The following DCDC1 variants were observed in gnomAD, a reference collection of about 807,000 sequenced individuals.
DCDC1 encodes the protein doublecortin domain containing 1.
Under a neutral mutation model 178.3 loss-of-function variants are expected in DCDC1, and 200 were observed. The observed-to-expected ratio is 1.12, with a 90% CI of 1.00 to 1.26. The LOEUF (loss-of-function observed/expected upper bound fraction) is 1.26, where lower values mean the gene tolerates loss of function less well. Among genes scored for constraint, DCDC1 ranks in the 50% most tolerant of loss-of-function variants. DCDC1 has a pLI of 0.00. For missense variants in DCDC1, 1,983 were observed against 1,749.2 expected (o/e 1.13, Z -2.38); for synonymous variants, 690 against 604.8 (o/e 1.14, Z -2.07).
intron 10 of DCDC1, among the ~76,000 whole-genome samples, chr11:31,135,952 C>T (rs754904455): frequency 6.6e-6 from 1 of 151,960 alleles, no homozygotes; most frequent in African/African-American, 2.4e-5. Context: ...AGTTTTTAGT[C>T]ATTGAAATTT....
intron 18 of DCDC1, among the ~76,000 whole-genome samples, chr11:31,070,312 T>A (rs990484922): frequency 1.4e-4 from 21 of 152,264 alleles, no homozygotes; most frequent in South Asian, 6.2e-4. Context: ...ATCTTTCAAC[T>A]TTTTCTCCTT....
At chr11:30,907,978 CTTCT>C (rs939442822) in intron 29 of DCDC1, among the ~76,000 whole-genome samples, 4 of 152,014 alleles carry the variant, frequency 2.6e-5, no homozygotes, top group Admixed American at 2.6e-4. Flanking sequence ...AAAGTTCTTC[CTTCT>C]ATTAAAAGTT....
intron 3 of DCDC1, among the ~76,000 whole-genome samples, chr11:31,308,420 G>A (rs1375990176): frequency 6.6e-6 from 1 of 152,206 alleles, no homozygotes; most frequent in Non-Finnish European, 1.5e-5. Flanking sequence ...GAAACTGAGT[G>A]TGTATTAGCC....
chr11:31,116,875 T>C (rs376121337), intron 11 of DCDC1, among the ~76,000 whole-genome samples: 1 of 151,186 alleles, frequency 6.6e-6, no homozygotes, highest in Non-Finnish European at 1.5e-5. Flanking sequence ...CAACAATCAA[T>C]TTTTTTTTAA....
At chr11:31,190,161 CAGCT>C (rs1969979755) in intron 9 of DCDC1, among the ~76,000 whole-genome samples, 1 of 152,132 alleles carries the variant, frequency 6.6e-6, no homozygotes, top group Non-Finnish European at 1.5e-5. Context: ...CCTCACGAGT[CAGCT>C]AGGAATATAA....
chr11:30,952,488 A>G lies in DCDC1; in HGVS notation c.2672T>C (p.Leu891Pro), dbSNP rs1565116985. 6.3e-7 allele frequency: 1 copy of G among 1,586,840 alleles called. No homozygotes were observed. The highest frequency in any genetic ancestry group is 8.5e-7 in the Non-Finnish European group (1 of 1,171,104). ...GGGAAGGACAGGCCACATGTAGGTAAGCTTGTTCCATAGAGGATTTTCAAC... is the reference window on the plus strand; with the variant it reads ...GGGAAGGACAGGCCACATGTAGGTAGGCTTGTTCCATAGAGGATTTTCAAC... ...SRVENPLWNK[L>P]TYMWPVLPSG... The change falls in exon 21 of 39, where the codon CTT becomes CCT. Residue 891 changes from leucine to proline, a missense_variant. Transcript: ENST00000684477.
At chr11:31,123,104 G>A (rs1336659494) in intron 11 of DCDC1, among the ~76,000 whole-genome samples, 1 of 151,868 alleles carries the variant, frequency 6.6e-6, no homozygotes, top group African/African-American at 2.4e-5. Flanking sequence ...TTGGCCCACA[G>A]TGTGTGGTAT....
chr11:31,134,194 T>C (rs1163951287), intron 10 of DCDC1, among the ~76,000 whole-genome samples: 1 of 152,216 alleles, frequency 6.6e-6, no homozygotes, highest in Non-Finnish European at 1.5e-5. Context: ...ACTGTCTTCA[T>C]AACTCTTCTG....
chr11:31,180,837 G>A (rs1303535872), intron 9 of DCDC1, among the ~76,000 whole-genome samples: 1 of 151,776 alleles, frequency 6.6e-6, no homozygotes, highest in Non-Finnish European at 1.5e-5. Flanking sequence ...TCATACCCCA[G>A]TGGCAATTGG....
chr11:31,246,796 C>T (rs1348084575), intron 8 of DCDC1, among the ~76,000 whole-genome samples: 1 of 152,042 alleles, frequency 6.6e-6, no homozygotes, highest in African/African-American at 2.4e-5. Flanking sequence ...CTAACAGCTG[C>T]TGTGTACTTT....
chr11:31,127,323 A>G, intron 11 of DCDC1, 146 bp downstream of exon 11: 1 of 483,736 alleles, frequency 2.1e-6, no homozygotes. Context: ...CCTGAATAAT[A>G]ATATCACCAC....
rs751047113 is a variant in DCDC1, at chr11:30,906,714, A to G, written c.3930T>C (p.Tyr1310=). The G allele has an allele frequency of 4.3e-6, 7 of 1,612,948 alleles. No individual in the cohort carries two copies. The South Asian group carries it at 6.6e-5, about 15-fold the overall frequency. ...EENIDQPGYC[Y]LSPDGKRKTM... ...TTTTTCTCTTTCCATCAGGTGAGAG[A>G]TAACAGTATCCCTAAAATGGGAGAC... The change falls in exon 30 of 39, where the codon TAT becomes TAC. Residue 1310 remains tyrosine (Y), a synonymous_variant. Transcript: ENST00000684477.
At chr11:30,947,367 T>G (rs936287668) in intron 21 of DCDC1, among the ~76,000 whole-genome samples, 3 of 152,010 alleles carry the variant, frequency 2.0e-5, no homozygotes, top group African/African-American at 7.2e-5. Flanking sequence ...TAAAAACATA[T>G]AGACTAAATG....
chr11:31,121,143 CAGTA>C (rs1359828601), intron 11 of DCDC1, among the ~76,000 whole-genome samples: 1 of 152,022 alleles, frequency 6.6e-6, no homozygotes, highest in Admixed American at 6.6e-5. Flanking sequence ...ATGGTAAAAA[CAGTA>C]AGAAATTTTC....
chr11:31,274,040 T>C (rs1363352176), intron 7 of DCDC1, among the ~76,000 whole-genome samples: 2 of 152,158 alleles, frequency 1.3e-5, no homozygotes, highest in African/African-American at 4.8e-5. Context: ...ATGTGGGAAT[T>C]AAAGATGAGA....
intron 6 of DCDC1, among the ~76,000 whole-genome samples, chr11:31,291,143 CTA>C (rs1242023957): frequency 6.6e-6 from 1 of 152,034 alleles, no homozygotes; most frequent in Admixed American, 6.6e-5. Context: ...TAGCCTGCCT[CTA>C]TTACTGATTA....
At chr11:31,096,708 A>T (rs1053834491) in intron 15 of DCDC1, among the ~76,000 whole-genome samples, 1 of 152,148 alleles carries the variant, frequency 6.6e-6, no homozygotes, top group African/African-American at 2.4e-5. Flanking sequence ...TAAAAAAAAA[A>T]AAAATCCTGC....
At chr11:30,869,164 C>G (rs1458933439) in intron 38 of DCDC1, among the ~76,000 whole-genome samples, 1 of 152,224 alleles carries the variant, frequency 6.6e-6, no homozygotes, top group African/African-American at 2.4e-5. Context: ...TTGAAAGGTA[C>G]AGTTGGCAAA....
At chr11:31,133,980 G>A (rs1480630163) in intron 10 of DCDC1, among the ~76,000 whole-genome samples, 3 of 152,186 alleles carry the variant, frequency 2.0e-5, no homozygotes, top group African/African-American at 7.2e-5. Context: ...TGGGACTACA[G>A]GCGTGAGCCA....
Sources: gnomAD v4.1 joint callset for allele counts (sites outside exome capture counted in the v4.1 genomes callset) on GRCh38, gnomAD v4.1.1 for gene constraint, MANE v1.5 for transcripts, NCBI Gene and HGNC (gene_info 2026-07-23, HGNC 2026-07-21) for gene names.